Variants in FAT2 observed in about 807,000 individuals in gnomAD.
FAT2 encodes the protein FAT atypical cadherin 2, also known as protocadherin Fat 2.
Under a neutral mutation model 295.3 loss-of-function variants are expected in FAT2, and 150 were observed. The observed-to-expected ratio is 0.51, with a 90% CI of 0.44 to 0.58. The LOEUF (loss-of-function observed/expected upper bound fraction) is 0.58. FAT2 is among the 20% of genes least tolerant of loss of function. The pLI, the probability that FAT2 is intolerant of heterozygous loss-of-function variation, is 0.00. For missense variants in FAT2, 4,868 were observed against 5,442.7 expected, an observed-to-expected ratio of 0.89 and a Z score of 3.32; for synonymous variants, 2,026 against 2,150.3, an observed-to-expected ratio of 0.94 and a Z score of 1.60.
chr5:151,568,941 C>T lies in FAT2; in HGVS notation c.-10G>A, dbSNP rs1241680351. ...GCAGGGCAATAGTCATGGTGGAAAA[C>T]TCCCGAAACCCTGGGCAGAAAATAA... On this transcript the variant is annotated 5_prime_UTR_variant, in exon 2 of 24. Transcript: ENST00000261800. 1.3e-6 allele frequency: 2 copies of T among 1,583,108 alleles called. No individual in the cohort carries two copies. Among genetic ancestry groups the T allele is most frequent in the Middle Eastern group, 3.4e-4 (2 of 5,818 alleles).
chr5:151,566,794 T>C lies in FAT2; in HGVS notation c.2138A>G (p.Gln713Arg). The C allele has an allele frequency of 2.5e-6, 4 of 1,614,198 alleles. No homozygotes were observed. In the South Asian group the frequency reaches 4.4e-5, roughly 18 times the overall value. Residue 713 changes from glutamine (Q) to arginine (R), a missense_variant, in exon 2 of 24, where the codon CAG becomes CGG. By Grantham distance (43) the Gln-to-Arg change is conservative. Around this residue, in one of 5 missense-constraint regions of FAT2, gnomAD observed 3,297 missense variants for 3,669.4 expected, o/e 0.90. Coordinates refer to ENST00000261800, the MANE Select transcript of FAT2 (RefSeq NM_001447.3). ...GGATTGGGGGAAGTGGTCCTCAAACTGTGGGGTGTAATGATTAATCTGATA... is the reference window on the plus strand; with the variant it reads ...GGATTGGGGGAAGTGGTCCTCAAACCGTGGGGTGTAATGATTAATCTGATA... Reference protein sequence around the residue: ...STYQINHYTPQFEDHFPQSID... With the variant: ...STYQINHYTPRFEDHFPQSID...
chr5:151,545,810 G>A lies in FAT2; in HGVS notation c.5317C>T (p.Leu1773=), dbSNP rs770649958. The A allele has an allele frequency of 6.8e-6, 11 of 1,614,212 alleles. No homozygotes were observed. The South Asian group carries it at 8.8e-5, about 13-fold the overall frequency. Residue 1773 remains leucine, a synonymous_variant, in exon 10 of 24, where the codon CTG becomes TTG. Transcript: ENST00000261800. ...FVGQISEAAP[L]YSMIMDKNNN... ...TTTTTATCCATGATCATGCTATACA[G>A]TGGAGCTGCTTCACTAATTTGGCCC...
At chr5:151,541,695 T>C (rs1185456028) in intron 10 of FAT2, among the ~76,000 whole-genome samples, 5 of 152,248 alleles carry the variant, frequency 3.3e-5, no homozygotes, top group Admixed American at 3.3e-4. Flanking sequence ...TATCCACTAA[T>C]GAAAGCAGCT....
Position 151,542,990 on chromosome 5 carries a change from C to G in FAT2, c.8137G>C (p.Val2713Leu), listed in dbSNP as rs758709007. Residue 2713 changes from valine to leucine, a missense_variant, in exon 10 of 24, where the codon GTT (valine) becomes CTT (leucine). Val to Leu is a conservative substitution (Grantham distance 32). Coordinates refer to ENST00000261800, the MANE Select transcript of FAT2 (RefSeq NM_001447.3). ...GGATCTTGAGCTGCCACTGCTTTAA[C>G]AATCCCAATTTCAGACCCCTCTGGA... ...DLPEGSEIGI[V>L]KAVAAQDPVI... The G allele has an allele frequency of 6.8e-6, 11 of 1,614,200 alleles. No individual in the cohort carries two copies. Among genetic ancestry groups the G allele is most frequent in the Non-Finnish European group, 9.3e-6 (11 of 1,180,040 alleles).
At chr5:151,577,822 T>G (rs1478343238) in intron 1 of FAT2, among the ~76,000 whole-genome samples, 3 of 152,024 alleles carry the variant, frequency 2.0e-5, no homozygotes, top group Non-Finnish European at 4.4e-5. Flanking sequence ...GGGTTGTCTG[T>G]ACGGATCTAT....
chr5:151,507,300 A>G lies in FAT2; in HGVS notation c.12371T>C (p.Val4124Ala). The change falls in exon 23 of 24, where the codon GTT (valine) becomes GCT (alanine). Residue 4124 changes from valine (V) to alanine (A), a missense_variant. Coordinates refer to ENST00000261800, the MANE Select transcript of FAT2 (RefSeq NM_001447.3). Reference protein sequence around the residue: ...LNQPEPSKASVPNELVTFGPN... With the variant: ...LNQPEPSKASAPNELVTFGPN... ...TCCAAATGTGACGAGTTCATTTGGA[A>G]CAGAGGCCTTGCTGGGTTCCGGTTG... 6.2e-7 allele frequency: 1 copy of G among 1,614,174 alleles called. No individual in the cohort carries two copies. Among genetic ancestry groups the G allele is most frequent in the Non-Finnish European group, 8.5e-7 (1 of 1,180,036 alleles).
At chr5:151,578,459 C>A (rs1484435024) in intron 1 of FAT2, among the ~76,000 whole-genome samples, 2 of 152,090 alleles carry the variant, frequency 1.3e-5, no homozygotes, top group Non-Finnish European at 2.9e-5. Flanking sequence ...ATCAAAAAGA[C>A]AAGAGATAAC....
In FAT2 at chr5:151,510,157, G is replaced by T. The variant is rs1247122733; in HGVS notation, c.11923C>A (p.Pro3975Thr). The T allele has an allele frequency of 6.2e-7, 1 of 1,614,114 alleles. No homozygotes were observed. The highest frequency in any genetic ancestry group is 2.2e-5 in the East Asian group (1 of 44,872). The change falls in exon 22 of 24, where the codon CCC becomes ACC. Residue 3975 changes from proline (P) to threonine (T), a missense_variant. Pro to Thr is a conservative substitution (Grantham distance 38, BLOSUM62 -1). Coordinates refer to ENST00000261800, the MANE Select transcript of FAT2 (RefSeq NM_001447.3). ...CAGTGCTTCCCAGAGAACTGTGGGG[G>T]ACATTTGCAGACATAGCCTAGGAGA... ...THGAGYVCKC[P>T]PQFSGKHCEQ...
rs1320753224 is a variant in FAT2, at chr5:151,540,729, T to G, written c.8877A>C (p.Gln2959His). 3 of 1,614,004 alleles carry G rather than the reference T, an allele frequency of 1.9e-6. No homozygotes were observed. The African/African-American group carries it at 4.0e-5, about 22-fold the overall frequency. The change falls in exon 11 of 24, where the codon CAA (glutamine) becomes CAC (histidine). Residue 2959 changes from glutamine (Q) to histidine (H), a missense_variant. By Grantham distance (24) the Gln-to-His change is conservative. Around this residue, in one of 5 missense-constraint regions of FAT2, gnomAD observed 3,297 missense variants for 3,669.4 expected, o/e 0.90. Coordinates refer to ENST00000261800, the MANE Select transcript of FAT2 (RefSeq NM_001447.3). ...GDPLGQFGIS[Q>H]VGDEWRISSR... is the part of the protein sequence containing the mutation. The stretch of plus-strand genomic sequence containing the variant: ...AGGAAATCCTCCACTCATCTCCAAC[T>G]TGGCTGATGCCAAACTGGCCCAGGG...
intron 1 of FAT2, among the ~76,000 whole-genome samples, chr5:151,581,504 T>A (rs572591875): frequency 1.3e-5 from 2 of 152,270 alleles, no homozygotes; most frequent in South Asian, 4.2e-4. Context: ...ATGGTGAGGT[T>A]TGGAACTACG....
chr5:151,541,316 TC>T (rs955231025), intron 10 of FAT2, among the ~76,000 whole-genome samples: 1 of 152,230 alleles, frequency 6.6e-6, no homozygotes, highest in African/African-American at 2.4e-5. Flanking sequence ...AGTTCTAAGA[TC>T]CAACTACTCC....
chr5:151,554,423 A>G lies in FAT2; in HGVS notation c.3884T>C (p.Leu1295Pro), dbSNP rs35640822. 2,595 of 1,614,186 alleles carry G rather than the reference A, an allele frequency of 1.6e-3. 30 individuals are homozygous for G. In the African/African-American group the frequency reaches 0.03, roughly 19 times the overall value. Reference protein sequence around the residue: ...DSDEEAFSIDLVTGVVSSSST... With the variant: ...DSDEEAFSIDPVTGVVSSSST... ...GCTGGATGAAACCACACCTGTGACC[A>G]GGTCGATACTGAAGGCCTCCTCATC... is the stretch of plus-strand genomic sequence containing the variant. The change falls in exon 5 of 24, where the codon CTG becomes CCG. Residue 1295 changes from leucine (L) to proline (P), a missense_variant. Around this residue, in one of 5 missense-constraint regions of FAT2, gnomAD observed 3,297 missense variants for 3,669.4 expected, o/e 0.90. Coordinates refer to ENST00000261800, the MANE Select transcript of FAT2 (RefSeq NM_001447.3).
chr5:151,582,523 T>G (rs1280112019), intron 1 of FAT2, among the ~76,000 whole-genome samples: 3 of 152,190 alleles, frequency 2.0e-5, no homozygotes, highest in African/African-American at 7.2e-5. Flanking sequence ...GAAATAGATG[T>G]TCAACAAGTT....
chr5:151,533,709 C>T (rs1343479823), intron 13 of FAT2, among the ~76,000 whole-genome samples: 1 of 151,678 alleles, frequency 6.6e-6, no homozygotes, highest in Non-Finnish European at 1.5e-5. Context: ...GAAAATTGGA[C>T]AGGTTATATA....
At position 151,566,142 on chromosome 5, in the gene FAT2, G is replaced by A. The variant is rs762653329; in HGVS notation, c.2790C>T (p.Asn930=). 3 of 1,614,014 alleles carry A rather than the reference G, an allele frequency of 1.9e-6. No individual in the cohort carries two copies. The highest frequency in any genetic ancestry group is 1.6e-4 in the Middle Eastern group (1 of 6,084). Residue 930 remains asparagine, a synonymous_variant, in exon 2 of 24, where the codon AAC becomes AAT. Coordinates refer to ENST00000261800, the MANE Select transcript of FAT2 (RefSeq NM_001447.3). ...GCAGGTCCTCTGGAACCTTCAGCCT[G>A]TTGTGTTCTGTGATGCACTGGGGAG... The part of the protein sequence containing the change: ...DNSPQCITEH[N]RLKVPEDLPP...
chr5:151,554,723 T>C, intron 4 of FAT2, 50 bp from the exon 5 acceptor site: 1 of 1,422,828 alleles, frequency 7.0e-7, no homozygotes, highest in Admixed American at 1.9e-5. Context: ...TGCAAATTAG[T>C]GACTATGCTT....
In FAT2 at chr5:151,566,197, ATCAGG is replaced by A; in HGVS notation, c.2730_2734del (p.Leu911AsnfsTer39). On this transcript the variant is annotated frameshift_variant, in exon 2 of 24. Coordinates refer to ENST00000261800, the MANE Select transcript of FAT2 (RefSeq NM_001447.3). LOFTEE classifies it high-confidence loss of function. ...GTCGTTGACATCCTCCAATGTGATT[ATCAGG>A]TCAGTGACAGAGAAGAGCTGGTGGC... The A allele has an allele frequency of 6.2e-7, 1 of 1,614,120 alleles. No homozygotes were observed. Among genetic ancestry groups the A allele is most frequent in the Non-Finnish European group, 8.5e-7 (1 of 1,180,026 alleles).
intron 6 of FAT2, 91 bp downstream of exon 6, chr5:151,553,086 G>A (rs1757365486): frequency 7.5e-7 from 1 of 1,332,340 alleles, no homozygotes. Flanking sequence ...CCGACCTTGA[G>A]AAGAGTCAGA....
At chr5:151,517,511 C>T (rs1252157580) in intron 20 of FAT2, 109 bp downstream of exon 20, 3 of 1,363,704 alleles carry the variant, frequency 2.2e-6, no homozygotes, top group East Asian at 4.6e-5. Flanking sequence ...GAAAACTGTG[C>T]AGGGATTTCT....
Sources: allele counts gnomAD v4.1 joint callset (sites outside exome capture counted in the v4.1 genomes callset), GRCh38; gene constraint gnomAD v4.1.1; regional missense constraint gnomAD v4.1.1; transcripts MANE v1.5; gene names NCBI Gene and HGNC (gene_info 2026-07-23, HGNC 2026-07-21).